LENG8: variants seen among roughly 807,000 people sequenced by gnomAD.
LENG8 encodes leukocyte receptor cluster member 8, also known as leukocyte receptor cluster (LRC) member 8.
A neutral mutation model predicts 102.1 loss-of-function variants in LENG8; 28 were observed. The ratio of observed to expected loss-of-function variants is 0.27; its 90% confidence interval spans 0.20 to 0.38. The LOEUF (loss-of-function observed/expected upper bound fraction) is 0.38, where lower values mean the gene tolerates loss of function less well. Ranked by LOEUF, LENG8 falls within the 10% of genes least tolerant of loss-of-function variation. The pLI is 1.00. For missense variants in LENG8, 1,022 were observed against 1,113.9 expected, an observed-to-expected ratio of 0.92 and a Z score of 1.17; for synonymous variants, 531 against 456.7, an observed-to-expected ratio of 1.16 and a Z score of -2.07.
At chr19:54,449,777 G>A (rs371086462) in intron 1 of LENG8, 6 of 152,432 alleles carry the variant, frequency 3.9e-5, no homozygotes, top group Admixed American at 3.3e-4. Context: ...CGCGTCTGAT[G>A]CCTGTCTCTG....
intron 15 of LENG8, 195 bp from the exon 16 acceptor site, chr19:54,460,571 G>T (rs562585808): frequency 2.1e-6 from 3 of 1,416,202 alleles, no homozygotes; most frequent in Non-Finnish European, 2.8e-6. Flanking sequence ...GGGCACAGGG[G>T]ACTGGGGTCA....
chr19:54,459,041 G>T, intron 15 of LENG8: 4 of 1,432,958 alleles, frequency 2.8e-6, no homozygotes, highest in Non-Finnish European at 3.6e-6. Flanking sequence ...CCCTGGTCAG[G>T]CCATGCCCCT....
In LENG8 at chr19:54,460,995, T is replaced by C. The variant is rs1822721889; in HGVS notation, c.*67T>C. On this transcript the variant is annotated 3_prime_UTR_variant, in exon 16 of 16. Coordinates refer to ENST00000326764, the MANE Select transcript of LENG8 (RefSeq NM_052925.4). ...AGCGCTGCCTTTGCGGATTCTGTTTTTGAGCCGTGGACTTGGGTTGTAAAT... is the reference window on the plus strand; with the variant it reads ...AGCGCTGCCTTTGCGGATTCTGTTTCTGAGCCGTGGACTTGGGTTGTAAAT... The C allele has an allele frequency of 6.5e-7, 1 of 1,533,522 alleles. No individual in the cohort carries two copies. The highest frequency in any genetic ancestry group is 1.2e-5 in the South Asian group (1 of 83,842). 95.0% of individuals were successfully genotyped at this position (1,533,522 alleles called of 1,614,324 possible).
Position 54,461,975 on chromosome 19 carries a change from G to T in LENG8, c.*1047G>T. ...TTCCTTGGAGCACTGAGCACCATTT[G>T]GAAGCTTGAGAGAAACCAAAATTAA... On this transcript the variant is annotated 3_prime_UTR_variant, in exon 16 of 16. Transcript: ENST00000326764. 1 of 1,187,210 alleles carries T rather than the reference G, an allele frequency of 8.4e-7. No individual in the cohort carries two copies. The highest frequency in any genetic ancestry group is 1.2e-6 in the Non-Finnish European group (1 of 813,190). The allele number at this position is 1,187,210 out of a possible 1,614,324, so 73.5% of individuals were successfully genotyped here. A position where few individuals can be genotyped will look rare whatever the true frequency, so the allele number is the denominator to read the frequency against.
chr19:54,453,463 A>G, intron 4 of LENG8, 83 bp from the exon 5 acceptor site: 2 of 835,024 alleles, frequency 2.4e-6, no homozygotes, highest in Non-Finnish European at 4.1e-6. Context: ...GTAGAGGGTC[A>G]TGGCTGGTGT....
At position 54,461,652 on chromosome 19, in the gene LENG8, C is replaced by T. The variant is rs1467448725; in HGVS notation, c.*724C>T. 8 of 477,134 alleles carry T rather than the reference C, an allele frequency of 1.7e-5. No individual in the cohort carries two copies. The highest frequency in any genetic ancestry group is 8.0e-5 in the African/African-American group (4 of 50,212). 29.6% of individuals were successfully genotyped at this position (477,134 alleles called of 1,614,324 possible). A position where few individuals can be genotyped will look rare whatever the true frequency, so the allele number is the denominator to read the frequency against. On this transcript the variant is annotated 3_prime_UTR_variant, in exon 16 of 16. Coordinates refer to ENST00000326764, the MANE Select transcript of LENG8 (RefSeq NM_052925.4). ...TTTTCCCCTTTCCCTCCCTCCCTCT[C>T]CGCATTCTTCCCTTGGTTCAGCACA...
chr19:54,459,301 C>G (rs2084412208), intron 15 of LENG8: 1 of 1,012,648 alleles, frequency 9.9e-7, no homozygotes, highest in Non-Finnish European at 1.2e-6. Flanking sequence ...TGGAGAAATT[C>G]TGGTCGAAGA....
chr19:54,449,957 C>T (rs74687133), intron 1 of LENG8, among the ~76,000 whole-genome samples: 9,052 of 152,216 alleles, frequency 0.059, 479 homozygotes, highest in African/African-American at 0.14. Flanking sequence ...AGGGCTTTTC[C>T]CCAGCTCCAG....
At chr19:54,459,064 G>A (rs1277473007) in intron 15 of LENG8, 13 of 1,404,188 alleles carry the variant, frequency 9.3e-6, no homozygotes, top group African/African-American at 4.3e-5. Flanking sequence ...AGTGTCCTTC[G>A]TTCACTAGAC....
Position 54,456,099 on chromosome 19 carries a change from G to C in LENG8, c.1158G>C (p.Gly386=). ...CCCCGTCCCAGCGAGGGACGCCCGG[G>C]GCTGGGGGTGCCGGTCGAGCCCGGG... The part of the protein sequence containing the change: ...GGAPSQRGTP[G]AGGAGRARGN... The change falls in exon 9 of 16, where the codon GGG becomes GGC. Residue 386 remains glycine (G), a synonymous_variant. Coordinates refer to ENST00000326764, the MANE Select transcript of LENG8 (RefSeq NM_052925.4). 6.2e-7 allele frequency: 1 copy of C among 1,609,766 alleles called. No homozygotes were observed. The highest frequency in any genetic ancestry group is 8.5e-7 in the Non-Finnish European group (1 of 1,177,264).
chr19:54,460,582 C>G (rs2084482346), intron 15 of LENG8, 184 bp from the exon 16 acceptor site: 2 of 1,384,922 alleles, frequency 1.4e-6, no homozygotes, highest in Non-Finnish European at 1.9e-6. Flanking sequence ...ACTGGGGTCA[C>G]TAACCCCCCC....
intron 7 of LENG8, 89 bp from the exon 8 acceptor site, chr19:54,455,275 T>G: frequency 6.5e-7 from 1 of 1,528,618 alleles, no homozygotes; most frequent in Non-Finnish European, 9.0e-7. Context: ...GGGGACTGCG[T>G]CCCGCTGTGT....
intron 15 of LENG8, chr19:54,460,377 G>T: frequency 2.5e-6 from 3 of 1,205,760 alleles, no homozygotes; most frequent in Non-Finnish European, 3.1e-6. Flanking sequence ...GTAACGCAGG[G>T]CAGGGGAGGC....
Position 54,461,095 on chromosome 19 carries a change from G to T in LENG8, c.*167G>T. Reference sequence around the variant, plus strand: ...TTTCCCACCGGGGAGTCTGTACAGAGATTTTTCTACGTTTTTATTTTTTGC... The same window carrying T: ...TTTCCCACCGGGGAGTCTGTACAGATATTTTTCTACGTTTTTATTTTTTGC... On this transcript the variant is annotated 3_prime_UTR_variant, in exon 16 of 16. Coordinates refer to ENST00000326764, the MANE Select transcript of LENG8 (RefSeq NM_052925.4). 1 of 1,056,464 alleles carries T rather than the reference G, an allele frequency of 9.5e-7. No homozygotes were observed. Among genetic ancestry groups the T allele is most frequent in the Admixed American group, 2.2e-5 (1 of 46,490 alleles). The allele number at this position is 1,056,464 out of a possible 1,614,324, so 65.4% of individuals were successfully genotyped here.
intron 7 of LENG8, 91 bp downstream of exon 7, chr19:54,455,183 C>G: frequency 1.3e-6 from 2 of 1,570,092 alleles, no homozygotes; most frequent in South Asian, 2.2e-5. Context: ...CACCCTGAGC[C>G]TCAGTGTGCG....
chr19:54,457,332 T>C (rs1012757074), intron 11 of LENG8, among the ~76,000 whole-genome samples: 2 of 152,178 alleles, frequency 1.3e-5, no homozygotes, highest in Non-Finnish European at 2.9e-5. Context: ...TTAACCCATG[T>C]CTTGTGGGTT....
Position 54,453,543 on chromosome 19 carries a change from C to T in LENG8, c.316-3C>T. ...TAAACCCTCCCTCCCTGCGCCTTTG[C>T]AGAGCATGTACCAGAGCTATGGCTC... On this transcript the variant is annotated splice_polypyrimidine_tract_variant and splice_region_variant and intron_variant, in intron 4 of 15. Transcript: ENST00000326764. The T allele has an allele frequency of 6.2e-7, 1 of 1,610,770 alleles. No individual in the cohort carries two copies. Among genetic ancestry groups the T allele is most frequent in the Non-Finnish European group, 8.5e-7 (1 of 1,177,062 alleles).
At chr19:54,450,988 C>T (rs1192979095) in intron 1 of LENG8, among the ~76,000 whole-genome samples, 2 of 152,190 alleles carry the variant, frequency 1.3e-5, no homozygotes, top group Non-Finnish European at 2.9e-5. Flanking sequence ...TTCATCACAG[C>T]CTCTCTTTGC....
chr19:54,461,086 C>T lies in LENG8; in HGVS notation c.*158C>T, dbSNP rs2123230117. The T allele has an allele frequency of 9.1e-7, 1 of 1,097,314 alleles. No homozygotes were observed. Among genetic ancestry groups the T allele is most frequent in the South Asian group, 1.4e-5 (1 of 72,156 alleles). The allele number at this position is 1,097,314 out of a possible 1,614,324, so 68.0% of individuals were successfully genotyped here. A position where few individuals can be genotyped will look rare whatever the true frequency, so the allele number is the denominator to read the frequency against. On this transcript the variant is annotated 3_prime_UTR_variant, in exon 16 of 16. Transcript: ENST00000326764. ...TGCCCCCGTTTTCCCACCGGGGAGT[C>T]TGTACAGAGATTTTTCTACGTTTTT...
Sources: gnomAD v4.1 joint callset for allele counts (sites outside exome capture counted in the v4.1 genomes callset) on GRCh38, gnomAD v4.1.1 for gene constraint, MANE v1.5 for transcripts, NCBI Gene and HGNC (gene_info 2026-07-23, HGNC 2026-07-21) for gene names.